XKR6: variants seen among roughly 807,000 people sequenced by gnomAD.
XKR6 encodes XK related 6, also known as XK-related protein 6.
XKR6 carries 22 observed loss-of-function variants against 56.7 expected under a neutral mutation model. The observed-to-expected ratio is 0.39, with a 90% CI of 0.28 to 0.55. The LOEUF is 0.55. Among genes scored for constraint, XKR6 ranks in the 20% least tolerant of loss-of-function variants. The pLI is 0.66. For missense variants in XKR6, 852 were observed against 889.0 expected (o/e 0.96, Z 0.53); for synonymous variants, 524 against 387.8 (o/e 1.35, Z -4.13).
At chr8:11,009,140 T>A (rs1411292182) in intron 1 of XKR6, among the ~76,000 whole-genome samples, 2 of 152,056 alleles carry the variant, frequency 1.3e-5, no homozygotes, top group Admixed American at 1.3e-4. Flanking sequence ...TAGCTAATCA[T>A]TCCATAGTCA....
chr8:10,995,871 A>T (rs371567080), intron 1 of XKR6, among the ~76,000 whole-genome samples: 3 of 152,208 alleles, frequency 2.0e-5, no homozygotes, highest in Non-Finnish European at 4.4e-5. Context: ...GGTGAAGACC[A>T]TCATGGTGAG....
intron 1 of XKR6, among the ~76,000 whole-genome samples, chr8:11,069,166 T>C (rs368956127): frequency 6.6e-6 from 1 of 151,078 alleles, no homozygotes; most frequent in Non-Finnish European, 1.5e-5. Flanking sequence ...TCCTCCTTAA[T>C]GGGATAAAGA....
intron 1 of XKR6, among the ~76,000 whole-genome samples, chr8:11,152,995 A>G (rs974250996): frequency 2.0e-5 from 3 of 152,214 alleles, no homozygotes; most frequent in Admixed American, 6.5e-5. Flanking sequence ...TCTGACTATG[A>G]TCACAGAGTA....
At chr8:11,062,029 G>A (rs1323510422) in intron 1 of XKR6, among the ~76,000 whole-genome samples, 2 of 152,202 alleles carry the variant, frequency 1.3e-5, no homozygotes, top group African/African-American at 4.8e-5. Flanking sequence ...ACATCCAGGG[G>A]AAAATCATCT....
intron 1 of XKR6, among the ~76,000 whole-genome samples, chr8:11,002,119 G>C (rs1267041937): frequency 6.7e-6 from 1 of 149,718 alleles, no homozygotes; most frequent in Non-Finnish European, 1.5e-5. Context: ...TGCCAAGAAA[G>C]TGCAAATGCT....
chr8:11,200,307 G>A lies in XKR6; in HGVS notation c.764+269C>T, dbSNP rs1804136464. Among the ~76,000 whole-genome samples, 3 of 152,258 alleles carry A rather than the reference G, an allele frequency of 2.0e-5. No individual in the cohort carries two copies. The highest frequency in any genetic ancestry group is 2.0e-4 in the Admixed American group (3 of 15,292). ...GGGAACGGAGCTCTGCAGAGGGGAC[G>A]GGGAGGGCAGGTTGGGGCAAGAGCC... On this transcript the variant is annotated intron_variant, in intron 1 of 2. Transcript: ENST00000416569. This position sits in a 1 kb window ranked among gnomAD's most constrained non-coding sequence, Gnocchi z 6.4.
rs374241422 is a variant in XKR6 at position 10,947,122 on chromosome 8, A to G, written c.765-22292T>C. The stretch of plus-strand genomic sequence containing the variant: ...AAGGAGACGGGTTGGAGCGGAAGAC[A>G]CAGTAGTCCCAGTGACTACGAGTGA... On this transcript the variant is annotated intron_variant, in intron 1 of 2. Transcript: ENST00000416569. Among the ~76,000 whole-genome samples, 22 of 152,266 alleles carry G rather than the reference A, an allele frequency of 1.4e-4. No individual in the cohort carries two copies. The East Asian group carries it at 3.7e-3, about 25-fold the overall frequency.
At chr8:11,098,229 TCACA>T (rs1563134434) in intron 1 of XKR6, among the ~76,000 whole-genome samples, 5 of 150,742 alleles carry the variant, frequency 3.3e-5, no homozygotes, top group Admixed American at 2.0e-4. Flanking sequence ...ACACACGCAC[TCACA>T]CACGCACAAC....
At chr8:11,066,182 T>C (rs1335569740) in intron 1 of XKR6, among the ~76,000 whole-genome samples, 1 of 152,254 alleles carries the variant, frequency 6.6e-6, no homozygotes, top group African/African-American at 2.4e-5. Context: ...CCCTGTGGCT[T>C]GCCTCTGCCC....
chr8:11,129,014 G>A (rs1431897878), intron 1 of XKR6: 1 of 456,140 alleles, frequency 2.2e-6, no homozygotes, highest in East Asian at 6.9e-5. Flanking sequence ...TAACTGAGGT[G>A]AAACTTACAC....
intron 1 of XKR6, chr8:11,194,942 T>C: frequency 1.8e-6 from 1 of 546,214 alleles, no homozygotes; most frequent in Non-Finnish European, 3.2e-6. Context: ...GCATGCCATT[T>C]TTTCATCCCC....
intron 1 of XKR6, among the ~76,000 whole-genome samples, chr8:11,134,999 T>A (rs529953173): frequency 8.9e-4 from 136 of 151,986 alleles, no homozygotes; most frequent in African/African-American, 2.4e-3. Context: ...TTATTTTAAG[T>A]ATATAAATGT....
intron 1 of XKR6, among the ~76,000 whole-genome samples, chr8:11,084,862 C>A (rs1797835914): frequency 6.6e-6 from 1 of 152,146 alleles, no homozygotes; most frequent in African/African-American, 2.4e-5. Flanking sequence ...CTCTACTGTC[C>A]ATGGTCTTCC....
chr8:10,900,872 T>TTTTTTTG (rs57246698), intron 2 of XKR6, among the ~76,000 whole-genome samples: 3 of 149,556 alleles, frequency 2.0e-5, no homozygotes, highest in Non-Finnish European at 1.5e-5. Flanking sequence ...TTTTTTTTTT[T>TTTTTTTG]GAGACAGGGT....
intron 1 of XKR6, among the ~76,000 whole-genome samples, chr8:11,185,193 G>C (rs1283926913): frequency 6.6e-6 from 1 of 152,144 alleles, no homozygotes; most frequent in African/African-American, 2.4e-5. Flanking sequence ...TCCTAGGATA[G>C]GCTCTGACCA....
intron 1 of XKR6, chr8:11,108,432 A>G (rs1025326365): frequency 2.3e-6 from 1 of 432,992 alleles, no homozygotes; most frequent in South Asian, 1.7e-5. Context: ...GAAAATCTTC[A>G]TAATTGTTAG....
chr8:11,119,406 G>C (rs901771327), intron 1 of XKR6, among the ~76,000 whole-genome samples: 17 of 152,252 alleles, frequency 1.1e-4, no homozygotes, highest in African/African-American at 4.1e-4. Context: ...GTTGACAGTG[G>C]GGTGGTAAAG....
chr8:11,039,661 G>C (rs534454927), intron 1 of XKR6, among the ~76,000 whole-genome samples: 2 of 152,204 alleles, frequency 1.3e-5, no homozygotes, highest in Non-Finnish European at 2.9e-5. Context: ...GTTCCAGCCT[G>C]GTGGCCCACG....
At chr8:11,016,198 G>T (rs1048473483) in intron 1 of XKR6, among the ~76,000 whole-genome samples, 4 of 152,190 alleles carry the variant, frequency 2.6e-5, no homozygotes, top group Non-Finnish European at 5.9e-5. Flanking sequence ...TGGACTAAAA[G>T]CCCCGTCCCC....
Sources: gnomAD v4.1 joint callset for allele counts (sites outside exome capture counted in the v4.1 genomes callset) on GRCh38, gnomAD v4.1.1 for gene constraint, Gnocchi (gnomAD v3.1) non-coding constraint, MANE v1.5 for transcripts, NCBI Gene and HGNC (gene_info 2026-07-23, HGNC 2026-07-21) for gene names.